VSTM2L: variants seen among roughly 807,000 people sequenced by gnomAD.
VSTM2L encodes V-set and transmembrane domain containing 2 like, also known as V-set and transmembrane domain-containing protein 2-like protein.
Under a neutral mutation model 19.9 loss-of-function variants are expected in VSTM2L, and 9 were observed. The ratio of observed to expected loss-of-function variants is 0.45; its 90% CI spans 0.27 to 0.79. The LOEUF is 0.79. Among genes scored for constraint, VSTM2L ranks in the 30% least tolerant of loss-of-function variants. The probability of loss-of-function intolerance (pLI) is 0.15; values close to 1 mark genes in which losing one functional copy is unlikely to be tolerated. For missense variants in VSTM2L, 286 were observed against 295.5 expected, an observed-to-expected ratio of 0.97 and a Z score of 0.24; for synonymous variants, 127 against 133.8, an observed-to-expected ratio of 0.95 and a Z score of 0.35.
At chr20:37,935,490 A>T (rs6096993) in intron 3 of VSTM2L, among the ~76,000 whole-genome samples, 3,254 of 151,572 alleles carry the variant, frequency 0.021, 119 homozygotes, top group African/African-American at 0.074. Context: ...TCCCCTCCCG[A>T]CCCTGGCAGC....
At chr20:37,933,732 C>T in intron 3 of VSTM2L, 143 bp downstream of exon 3, 2 of 760,576 alleles carry the variant, frequency 2.6e-6, no homozygotes. Flanking sequence ...AATGGCCTTG[C>T]TCTGTTTTTT....
intron 1 of VSTM2L, among the ~76,000 whole-genome samples, chr20:37,925,336 G>GT (rs983542938): frequency 6.6e-6 from 1 of 152,082 alleles, no homozygotes; most frequent in Non-Finnish European, 1.5e-5. Context: ...ATCTGAGCTG[G>GT]TGGGGCTCTC....
intron 3 of VSTM2L, among the ~76,000 whole-genome samples, chr20:37,942,437 G>T (rs771217002): frequency 6.6e-6 from 1 of 152,196 alleles, no homozygotes; most frequent in African/African-American, 2.4e-5. Flanking sequence ...AGCTAAGATC[G>T]TGCCACTGCA....
chr20:37,930,439 C>G (rs2072901831), intron 1 of VSTM2L, among the ~76,000 whole-genome samples: 1 of 151,700 alleles, frequency 6.6e-6, no homozygotes, highest in African/African-American at 2.4e-5. Context: ...TTGCAGCAGC[C>G]AGGAGGGACA....
At chr20:37,938,533 G>A (rs2122976555) in intron 3 of VSTM2L, among the ~76,000 whole-genome samples, 1 of 152,216 alleles carries the variant, frequency 6.6e-6, no homozygotes, top group East Asian at 1.9e-4. Context: ...GGCGTGGCTG[G>A]AAGACGATCC....
chr20:37,930,841 T>A (rs1023935086), intron 1 of VSTM2L, among the ~76,000 whole-genome samples: 2 of 152,134 alleles, frequency 1.3e-5, no homozygotes, highest in Non-Finnish European at 2.9e-5. Context: ...GCAGCTGCTC[T>A]GCGCCCGCAA....
At chr20:37,914,767 A>G (rs1474359400) in intron 1 of VSTM2L, among the ~76,000 whole-genome samples, 1 of 152,146 alleles carries the variant, frequency 6.6e-6, no homozygotes, top group Non-Finnish European at 1.5e-5. Flanking sequence ...TGAGGCTTAG[A>G]GAGGCGTGGT....
intron 1 of VSTM2L, among the ~76,000 whole-genome samples, chr20:37,928,346 G>T (rs1349428533): frequency 1.3e-5 from 2 of 152,202 alleles, no homozygotes; most frequent in Admixed American, 1.3e-4. Flanking sequence ...GCAAGTGGGT[G>T]TCAGGGAAGA....
intron 3 of VSTM2L, among the ~76,000 whole-genome samples, chr20:37,940,955 C>T (rs1301062362): frequency 6.6e-6 from 1 of 152,230 alleles, no homozygotes; most frequent in Admixed American, 6.5e-5. Flanking sequence ...CCGCCCTCAA[C>T]ATGTGGGGAT....
intron 2 of VSTM2L, 53 bp from the exon 3 acceptor site, chr20:37,933,486 C>T: frequency 1.4e-6 from 2 of 1,458,462 alleles, no homozygotes; most frequent in Non-Finnish European, 1.9e-6. Context: ...CCCACCCCCA[C>T]CCTGTGCTAA....
chr20:37,929,056 C>A (rs1242130875), intron 1 of VSTM2L, among the ~76,000 whole-genome samples: 1 of 152,184 alleles, frequency 6.6e-6, no homozygotes, highest in Non-Finnish European at 1.5e-5. Flanking sequence ...TTGGCCAGTG[C>A]TGATGATGGC....
At chr20:37,926,991 G>A (rs116584690) in intron 1 of VSTM2L, among the ~76,000 whole-genome samples, 2 of 152,284 alleles carry the variant, frequency 1.3e-5, no homozygotes, top group South Asian at 2.1e-4. Flanking sequence ...TTTCCAAGAC[G>A]GAGTCTTGCT....
intron 1 of VSTM2L, 47 bp from the exon 2 acceptor site, chr20:37,931,588 C>G: frequency 1.3e-6 from 2 of 1,579,876 alleles, no homozygotes; most frequent in Non-Finnish European, 1.7e-6. Context: ...CCCACTAGCC[C>G]CGTGGTTTCC....
chr20:37,935,270 C>T (rs752845333), intron 3 of VSTM2L, among the ~76,000 whole-genome samples: 10 of 152,328 alleles, frequency 6.6e-5, no homozygotes, highest in African/African-American at 1.4e-4. Flanking sequence ...GCTGGGGCTC[C>T]GAGGGTCTGG....
intron 1 of VSTM2L, among the ~76,000 whole-genome samples, chr20:37,921,837 CCTT>C (rs1187394038): frequency 1.6e-5 from 2 of 126,616 alleles, no homozygotes; most frequent in African/African-American, 7.1e-5. Flanking sequence ...TCTTTCTTTT[CCTT>C]TTTTTTTTTT....
chr20:37,939,444 C>A (rs925379106), intron 3 of VSTM2L, among the ~76,000 whole-genome samples: 1 of 151,868 alleles, frequency 6.6e-6, no homozygotes, highest in Non-Finnish European at 1.5e-5. Context: ...AAAGAAAGAA[C>A]GAAAGAAAGA....
intron 1 of VSTM2L, among the ~76,000 whole-genome samples, chr20:37,926,809 G>A (rs1031217452): frequency 5.3e-5 from 8 of 152,180 alleles, no homozygotes; most frequent in African/African-American, 1.9e-4. Flanking sequence ...TGTGATGGGG[G>A]GACCTGAAGC....
In VSTM2L at chr20:37,922,997, G is replaced by C. The variant is rs200909255; in HGVS notation, c.122-8638G>C. Among the ~76,000 whole-genome samples, 21 of 152,352 alleles carry C rather than the reference G, an allele frequency of 1.4e-4. No homozygotes were observed. The East Asian group carries it at 4.0e-3, about 29-fold the overall frequency. On this transcript the variant is annotated intron_variant, in intron 1 of 3. Coordinates refer to ENST00000373461, the MANE Select transcript of VSTM2L (RefSeq NM_080607.3). Reference sequence around the variant, plus strand: ...TCTTTCTGGAGATGATAGGGTGTTTGAGCTAGGAGGTGAGAGAAAGGAGTG... The same window carrying C: ...TCTTTCTGGAGATGATAGGGTGTTTCAGCTAGGAGGTGAGAGAAAGGAGTG...
chr20:37,927,447 C>T (rs990173362), intron 1 of VSTM2L, among the ~76,000 whole-genome samples: 9 of 152,152 alleles, frequency 5.9e-5, no homozygotes, highest in Non-Finnish European at 8.8e-5. Flanking sequence ...TGTTGGACAG[C>T]GAGGCCCTAG....
Sources: gnomAD v4.1 joint callset for allele counts (sites outside exome capture counted in the v4.1 genomes callset) on GRCh38, gnomAD v4.1.1 for gene constraint, MANE v1.5 for transcripts, NCBI Gene and HGNC (gene_info 2026-07-23, HGNC 2026-07-21) for gene names.